The following GPC5 variants were observed in gnomAD, a reference collection of about 807,000 sequenced individuals.
GPC5 encodes glypican-5.
A neutral mutation model predicts 53.9 loss-of-function variants in GPC5; 47 were observed. That is an observed-to-expected ratio of 0.87 (90% CI 0.69 to 1.11). The LOEUF is 1.11. Among genes scored for constraint, GPC5 ranks in the 50% most tolerant of loss-of-function variants. The pLI is 0.00. For missense variants in GPC5, 748 were observed against 713.1 expected, an observed-to-expected ratio of 1.05 and a Z score of -0.56; for synonymous variants, 286 against 263.3, an observed-to-expected ratio of 1.09 and a Z score of -0.84.
At chr13:91,631,775 T>G (rs186163305) in intron 2 of GPC5, among the ~76,000 whole-genome samples, 13 of 152,266 alleles carry the variant, frequency 8.5e-5, no homozygotes, top group Admixed American at 6.5e-5. Flanking sequence ...TCAGTCTTAC[T>G]ATTAGGAGAA....
At chr13:92,861,504 C>T (rs1879181672) in intron 7 of GPC5, among the ~76,000 whole-genome samples, 1 of 152,100 alleles carries the variant, frequency 6.6e-6, no homozygotes, top group Admixed American at 6.6e-5. Context: ...AAGACTTTCC[C>T]TTTTTCTTAT....
chr13:91,934,286 C>T (rs1356284489), intron 6 of GPC5, among the ~76,000 whole-genome samples: 1 of 151,784 alleles, frequency 6.6e-6, no homozygotes, highest in African/African-American at 2.4e-5. Flanking sequence ...TTACATCTGC[C>T]TTGCTTAGGT....
intron 6 of GPC5, among the ~76,000 whole-genome samples, chr13:91,935,423 C>T (rs1258571523): frequency 2.6e-5 from 4 of 152,044 alleles, no homozygotes; most frequent in African/African-American, 9.6e-5. Context: ...GCTACTAGTT[C>T]CTTCCACCAT....
At chr13:92,815,565 C>T (rs1460124221) in intron 7 of GPC5, among the ~76,000 whole-genome samples, 1 of 151,760 alleles carries the variant, frequency 6.6e-6, no homozygotes, top group African/African-American at 2.4e-5. Context: ...GATCTGACAC[C>T]AGTGGAATAC....
At chr13:91,599,082 A>G (rs1489547346) in intron 2 of GPC5, among the ~76,000 whole-genome samples, 3 of 152,044 alleles carry the variant, frequency 2.0e-5, no homozygotes, top group Non-Finnish European at 4.4e-5. Flanking sequence ...GTGGTTTTTG[A>G]TGACATGGAT....
chr13:91,878,683 C>G (rs571558725), intron 5 of GPC5, among the ~76,000 whole-genome samples: 1 of 152,206 alleles, frequency 6.6e-6, no homozygotes, highest in Middle Eastern at 3.4e-3. Flanking sequence ...AGGAGCTTTT[C>G]TCTCTTTGCT....
chr13:91,626,874 G>A (rs756517625), intron 2 of GPC5, among the ~76,000 whole-genome samples: 13 of 151,970 alleles, frequency 8.6e-5, no homozygotes, highest in South Asian at 4.2e-4. Context: ...CTGTGTCCAG[G>A]TGTTCTCATT....
intron 7 of GPC5, among the ~76,000 whole-genome samples, chr13:92,425,233 T>A (rs1252530867): frequency 6.6e-6 from 1 of 152,098 alleles, no homozygotes; most frequent in Non-Finnish European, 1.5e-5. Flanking sequence ...AAAATTTGTA[T>A]TTTGGTAAAT....
intron 5 of GPC5, among the ~76,000 whole-genome samples, chr13:91,899,222 C>A (rs2039473139): frequency 6.6e-6 from 1 of 151,946 alleles, no homozygotes. Flanking sequence ...TGTGTGTGAA[C>A]TTAGAACACA....
intron 7 of GPC5, among the ~76,000 whole-genome samples, chr13:92,292,724 G>T (rs2043006543): frequency 6.6e-6 from 1 of 152,024 alleles, no homozygotes; most frequent in Non-Finnish European, 1.5e-5. Context: ...TTGGGTTCTT[G>T]GTCATGAAAA....
intron 2 of GPC5, among the ~76,000 whole-genome samples, chr13:91,564,404 G>A (rs536377811): frequency 3.9e-5 from 6 of 152,232 alleles, no homozygotes; most frequent in East Asian, 3.9e-4. Flanking sequence ...AAACAGCCTC[G>A]TCTCTTTAAT....
At chr13:92,697,303 C>T (rs1328408670) in intron 7 of GPC5, among the ~76,000 whole-genome samples, 1 of 152,126 alleles carries the variant, frequency 6.6e-6, no homozygotes, top group African/African-American at 2.4e-5. Context: ...CAGCCATTTT[C>T]ACGATATTGA....
chr13:91,654,753 T>C (rs2034806008), intron 2 of GPC5, among the ~76,000 whole-genome samples: 1 of 152,156 alleles, frequency 6.6e-6, no homozygotes, highest in Non-Finnish European at 1.5e-5. Flanking sequence ...TACAGGGTAA[T>C]TTCTTCTTTC....
rs778654877 is a variant in GPC5, at chr13:92,619,839, T to C, written c.1562-246443T>C. On this transcript the variant is annotated intron_variant, in intron 7 of 7. Transcript: ENST00000377067. ...TTATACCAAAGTGAAAAGGAAATAATATACTAACTGAAACAAACAATATTT... is the reference window on the plus strand; with the variant it reads ...TTATACCAAAGTGAAAAGGAAATAACATACTAACTGAAACAAACAATATTT... Among the ~76,000 whole-genome samples, 25 of 152,150 alleles carry C rather than the reference T, an allele frequency of 1.6e-4. No individual in the cohort carries two copies. In the South Asian group the frequency reaches 2.3e-3, roughly 14 times the overall value.
At chr13:92,060,636 G>A (rs957309936) in intron 6 of GPC5, among the ~76,000 whole-genome samples, 3 of 151,852 alleles carry the variant, frequency 2.0e-5, no homozygotes, top group African/African-American at 4.8e-5. Flanking sequence ...TTGCTAATAC[G>A]GCTATGAAAT....
chr13:92,275,937 C>A (rs745879673), intron 7 of GPC5, among the ~76,000 whole-genome samples: 2 of 152,094 alleles, frequency 1.3e-5, no homozygotes, highest in Non-Finnish European at 2.9e-5. Flanking sequence ...AGATCACCTT[C>A]TGCATTTAGC....
intron 4 of GPC5, among the ~76,000 whole-genome samples, chr13:91,740,591 A>G (rs1288824348): frequency 6.6e-6 from 1 of 152,160 alleles, no homozygotes; most frequent in East Asian, 1.9e-4. Flanking sequence ...TAGCATGCTA[A>G]TAATGTGCAC....
chr13:91,969,812 A>G (rs990613383), intron 6 of GPC5, among the ~76,000 whole-genome samples: 14 of 152,234 alleles, frequency 9.2e-5, no homozygotes, highest in African/African-American at 3.4e-4. Context: ...AACCACAATT[A>G]TATATCGCCA....
chr13:91,994,584 C>T (rs1003159808), intron 6 of GPC5: 2 of 152,206 alleles, frequency 1.3e-5, no homozygotes, highest in African/African-American at 4.8e-5. Flanking sequence ...ATCAAGCCTA[C>T]ATTGTCTTAT....
Sources: allele counts gnomAD v4.1 joint callset (sites outside exome capture counted in the v4.1 genomes callset), GRCh38; gene constraint gnomAD v4.1.1; transcripts MANE v1.5; gene names NCBI Gene and HGNC (gene_info 2026-07-23, HGNC 2026-07-21).